The following STOX2 variants were observed in gnomAD, a reference collection of about 807,000 sequenced individuals.
The protein encoded by STOX2 is storkhead box 2.
STOX2 carries 28 observed loss-of-function variants against 60.9 expected under a neutral mutation model. The observed-to-expected ratio is 0.46, with a 90% confidence interval of 0.34 to 0.63. STOX2 has a LOEUF of 0.63. Among genes scored for constraint, STOX2 ranks in the 30% least tolerant of loss-of-function variants. The probability of loss-of-function intolerance (pLI) is 0.01; values close to 1 mark genes in which losing one functional copy is unlikely to be tolerated. For synonymous variants in STOX2, 472 were observed against 463.9 expected (o/e 1.02, Z -0.22); for missense variants, 1,024 against 1,187.7 (o/e 0.86, Z 2.03).
chr4:183,955,088 G>A (rs1303605968), intron 1 of STOX2, among the ~76,000 whole-genome samples: 1 of 152,188 alleles, frequency 6.6e-6, no homozygotes, highest in African/African-American at 2.4e-5. Flanking sequence ...ATTTCTAAAT[G>A]TGCTTGTAAT....
At chr4:183,870,476 G>T (rs540784974) in intron 1 of STOX2, among the ~76,000 whole-genome samples, 68 of 152,262 alleles carry the variant, frequency 4.5e-4, no homozygotes, top group African/African-American at 1.6e-3. Context: ...GATTATGTTG[G>T]TTTTTTGTAC....
intron 1 of STOX2, among the ~76,000 whole-genome samples, chr4:183,909,099 A>T (rs1408289652): frequency 6.6e-6 from 1 of 152,234 alleles, no homozygotes; most frequent in Non-Finnish European, 1.5e-5. Context: ...AACACCTACA[A>T]TGAAGATTGG....
At chr4:183,860,464 A>G (rs1740411099) in intron 1 of STOX2, among the ~76,000 whole-genome samples, 1 of 151,586 alleles carries the variant, frequency 6.6e-6, no homozygotes, top group South Asian at 2.1e-4. Context: ...AAAAAGAAGA[A>G]AAAGAAGAAA....
chr4:183,970,085 A>G (rs1417735975), intron 1 of STOX2, among the ~76,000 whole-genome samples: 1 of 151,144 alleles, frequency 6.6e-6, no homozygotes, highest in African/African-American at 2.4e-5. Context: ...GCATGAAAAA[A>G]ACACTTTATA....
At chr4:183,954,230 C>T (rs550697987) in intron 1 of STOX2, among the ~76,000 whole-genome samples, 21 of 152,084 alleles carry the variant, frequency 1.4e-4, no homozygotes, top group South Asian at 4.2e-4. Context: ...GTCTCACTGG[C>T]GGATTGATTT....
chr4:183,936,322 G>A (rs1416917593), intron 1 of STOX2, among the ~76,000 whole-genome samples: 4 of 152,192 alleles, frequency 2.6e-5, no homozygotes, highest in Non-Finnish European at 2.9e-5. Context: ...TCTACTCAGC[G>A]TAATTGCTTC....
chr4:183,850,446 G>C (rs1740090562), intron 1 of STOX2, among the ~76,000 whole-genome samples: 1 of 151,992 alleles, frequency 6.6e-6, no homozygotes, highest in African/African-American at 2.4e-5. Flanking sequence ...AAAGTCAAAA[G>C]GGCTGGGCAT....
chr4:183,906,913 C>T lies in STOX2; in HGVS notation c.123C>T (p.Pro41=). 6.5e-7 allele frequency: 1 copy of T among 1,549,698 alleles called. No homozygotes were observed. Among genetic ancestry groups the T allele is most frequent in the Non-Finnish European group, 8.7e-7 (1 of 1,145,834 alleles). ...ACTACCGCCTGCACAAGCGTTTCCCCGCGGCCTTCGCGCCCCAGGCTTCGC... is the reference window on the plus strand; with the variant it reads ...ACTACCGCCTGCACAAGCGTTTCCCTGCGGCCTTCGCGCCCCAGGCTTCGC... ...EKDYRLHKRF[P]AAFAPQASRG... Residue 41 remains proline, a synonymous_variant, in exon 1 of 4, where the codon CCC becomes CCT. Coordinates refer to ENST00000308497, the MANE Select transcript of STOX2 (RefSeq NM_020225.3).
chr4:183,909,899 A>G (rs1741731047), intron 1 of STOX2, among the ~76,000 whole-genome samples: 1 of 152,246 alleles, frequency 6.6e-6, no homozygotes, highest in Admixed American at 6.5e-5. Context: ...ACTTAAGCTC[A>G]AGAGGTTAGA....
chr4:183,864,437 A>G (rs962414055), intron 1 of STOX2, among the ~76,000 whole-genome samples: 1 of 152,322 alleles, frequency 6.6e-6, no homozygotes, highest in African/African-American at 2.4e-5. Context: ...CTCTGTCACC[A>G]GGCTGGAGTG....
intron 1 of STOX2, among the ~76,000 whole-genome samples, chr4:183,885,430 G>A (rs1344351867): frequency 6.6e-6 from 1 of 152,182 alleles, no homozygotes; most frequent in Admixed American, 6.5e-5. Flanking sequence ...CCTGCATTTC[G>A]TGGTCACTGC....
chr4:183,921,429 C>T (rs1209956397), intron 1 of STOX2, among the ~76,000 whole-genome samples: 1 of 152,156 alleles, frequency 6.6e-6, no homozygotes, highest in African/African-American at 2.4e-5. Flanking sequence ...TACAAATCTT[C>T]CTTTTGGGGG....
intron 1 of STOX2, among the ~76,000 whole-genome samples, chr4:183,948,349 A>G (rs1029391009): frequency 2.0e-5 from 3 of 149,904 alleles, no homozygotes; most frequent in African/African-American, 7.3e-5. Flanking sequence ...CGCATTTATT[A>G]TTTGTCCTTA....
rs370514687 is a variant in STOX2, at chr4:183,951,974, C to T, written c.166+45018C>T. Among the ~76,000 whole-genome samples the T allele has an allele frequency of 3.3e-5, 5 of 152,114 alleles. No homozygotes were observed. The South Asian group carries it at 1.0e-3, about 32-fold the overall frequency. On this transcript the variant is annotated intron_variant, in intron 1 of 3. Transcript: ENST00000308497. ...AAATAAATAAAAAGTGGGTGAGCGA[C>T]TCTCTTCACTCTCCGATGCTCTCTC...
At chr4:183,874,952 AATATATATATATATAT>A (rs759209967) in intron 1 of STOX2, among the ~76,000 whole-genome samples, 214 of 44,600 alleles carry the variant, frequency 4.8e-3, no homozygotes, top group African/African-American at 0.016. Context: ...AAAAAAAAAA[AATATATATATATATAT>A]ATATATATAT....
At chr4:183,879,765 T>C (rs1740912388) in intron 1 of STOX2, among the ~76,000 whole-genome samples, 1 of 151,894 alleles carries the variant, frequency 6.6e-6, no homozygotes, top group Non-Finnish European at 1.5e-5. Flanking sequence ...TATGGCCAGC[T>C]TTGGAGGAGG....
At position 183,906,811 on chromosome 4, in the gene STOX2, A is replaced by C; in HGVS notation, c.21A>C (p.Thr7=). ...CCACCATGAAGAAGACCCGGAGCAC[A>C]ACCTTGCGGCGAGCCTGGCCTAGCT... The part of the protein sequence containing the change: MKKTRS[T]TLRRAWPSSD... Residue 7 remains threonine, a synonymous_variant, in exon 1 of 4, where the codon ACA becomes ACC. Transcript: ENST00000308497. The C allele has an allele frequency of 6.4e-7, 1 of 1,556,880 alleles. No individual in the cohort carries two copies. The highest frequency in any genetic ancestry group is 8.7e-7 in the Non-Finnish European group (1 of 1,150,570).
intron 1 of STOX2, among the ~76,000 whole-genome samples, chr4:183,920,898 A>G (rs1742081798): frequency 2.6e-5 from 4 of 152,256 alleles, no homozygotes; most frequent in Non-Finnish European, 5.9e-5. Flanking sequence ...TAACGCATTT[A>G]GTGCAAAGGT....
At chr4:183,840,953 C>T (rs1167509914) in intron 1 of STOX2, among the ~76,000 whole-genome samples, 5 of 152,116 alleles carry the variant, frequency 3.3e-5, no homozygotes, top group South Asian at 2.1e-4. Flanking sequence ...CTGCAATCTC[C>T]GCCTCCTGGG....
Sources: gnomAD v4.1 joint callset for allele counts (sites outside exome capture counted in the v4.1 genomes callset) on GRCh38, gnomAD v4.1.1 for gene constraint, MANE v1.5 for transcripts, NCBI Gene and HGNC (gene_info 2026-07-23, HGNC 2026-07-21) for gene names.